Variants in BBX observed in about 807,000 individuals in gnomAD.
The protein encoded by BBX is HMG box transcription factor BBX.
BBX carries 30 observed loss-of-function variants against 100.2 expected under a neutral mutation model. The ratio of observed to expected loss-of-function variants is 0.30; its 90% CI spans 0.22 to 0.41. The LOEUF is 0.41. Among genes scored for constraint, BBX ranks in the 10% least tolerant of loss-of-function variants. The pLI, the probability that BBX is intolerant of heterozygous loss-of-function variation, is 1.00. For missense variants in BBX, 1,023 were observed against 1,129.8 expected (o/e 0.91, Z 1.35); for synonymous variants, 376 against 388.1 (o/e 0.97, Z 0.37).
chr3:107,701,995 C>T (rs574081982), intron 3 of BBX, among the ~76,000 whole-genome samples: 114 of 152,224 alleles, frequency 7.5e-4, no homozygotes, highest in African/African-American at 2.5e-3. Context: ...TTATAATGGG[C>T]ACGGTGGGAT....
intron 13 of BBX, among the ~76,000 whole-genome samples, chr3:107,780,726 C>T (rs766645269): frequency 6.6e-6 from 1 of 151,900 alleles, no homozygotes; most frequent in South Asian, 2.1e-4. Flanking sequence ...GTATTTGTGA[C>T]TGATTGTAAT....
chr3:107,585,132 C>T (rs557272208), intron 2 of BBX, among the ~76,000 whole-genome samples: 5 of 152,176 alleles, frequency 3.3e-5, no homozygotes, highest in African/African-American at 9.6e-5. Context: ...AATGTCCAGT[C>T]AGTAATCCAC....
chr3:107,773,636 G>C lies in BBX; in HGVS notation c.1915G>C (p.Gly639Arg). ...CTCTCTGCGAGCTAATGTTGACAGA[G>C]GTAAGTAACTTCTACAAACCTGAAA... The part of the protein sequence containing the change: ...LTSLRANVDR[G>R]KRSSGKGNSS... The change falls in exon 11 of 18, where the codon GGA (glycine) becomes CGA (arginine). Residue 639 changes from glycine (G) to arginine (R), a missense_variant and splice_region_variant. Physicochemically the swap from Gly to Arg is moderately radical, Grantham distance 125. Around this residue, in one of 9 missense-constraint regions of BBX, gnomAD observed 215 missense variants for 211.3 expected, o/e 1.02. Coordinates refer to ENST00000325805, the MANE Select transcript of BBX (RefSeq NM_001142568.3). This position sits in a 1 kb window ranked among gnomAD's most constrained non-coding sequence, Gnocchi z 4.1. The C allele has an allele frequency of 6.3e-7, 1 of 1,599,430 alleles. No individual in the cohort carries two copies. Among genetic ancestry groups the C allele is most frequent in the Non-Finnish European group, 8.5e-7 (1 of 1,174,674 alleles).
At chr3:107,746,159 G>A (rs1436872665) in intron 8 of BBX, among the ~76,000 whole-genome samples, 2 of 151,814 alleles carry the variant, frequency 1.3e-5, no homozygotes, top group African/African-American at 4.8e-5. Flanking sequence ...GGAATATATT[G>A]TATTTAGGTA....
chr3:107,560,600 T>A (rs1386966028), intron 2 of BBX, among the ~76,000 whole-genome samples: 1 of 152,218 alleles, frequency 6.6e-6, no homozygotes, highest in Admixed American at 6.5e-5. Context: ...TTCTCCTTAT[T>A]CTGAATCCAG....
In BBX at chr3:107,703,343, C is replaced by T. The variant is rs144716647; in HGVS notation, c.-9-7109C>T. ...TTCTCTATGTATATAGCTTTTCCTC[C>T]TCAAGCCACCTCTTTGGATGCCTTG... On this transcript the variant is annotated intron_variant, in intron 3 of 17. Transcript: ENST00000325805. Among the ~76,000 whole-genome samples the T allele has an allele frequency of 2.2e-3, 341 of 152,292 alleles. 3 individuals are homozygous for T. The highest frequency in any genetic ancestry group is 8.0e-3 in the African/African-American group (332 of 41,542).
intron 10 of BBX, among the ~76,000 whole-genome samples, chr3:107,768,107 G>A (rs147557462): frequency 3.5e-4 from 53 of 152,178 alleles, no homozygotes; most frequent in Non-Finnish European, 5.4e-4. Flanking sequence ...TTGCGTCACC[G>A]CCTCCTGTTT....
intron 3 of BBX, among the ~76,000 whole-genome samples, chr3:107,690,805 T>C (rs1362378870): frequency 6.6e-6 from 1 of 151,416 alleles, no homozygotes; most frequent in East Asian, 1.9e-4. Context: ...AACATTCTTG[T>C]ACTGTGCATT....
chr3:107,676,944 A>G (rs1297347018), intron 3 of BBX, among the ~76,000 whole-genome samples: 1 of 152,134 alleles, frequency 6.6e-6, no homozygotes, highest in Non-Finnish European at 1.5e-5. Context: ...ATTATCCTGA[A>G]GCATTCTTGA....
chr3:107,736,155 A>G (rs906828491), intron 7 of BBX, among the ~76,000 whole-genome samples: 1 of 152,066 alleles, frequency 6.6e-6, no homozygotes, highest in Non-Finnish European at 1.5e-5. Flanking sequence ...CTGGCTCAAA[A>G]TAGCAGACTA....
At chr3:107,637,351 A>G (rs957944349) in intron 2 of BBX, among the ~76,000 whole-genome samples, 5 of 152,242 alleles carry the variant, frequency 3.3e-5, no homozygotes, top group African/African-American at 1.2e-4. Flanking sequence ...CCCTGGTTTT[A>G]CCATACTTTT....
At chr3:107,719,044 T>C (rs2062327246) in intron 5 of BBX, among the ~76,000 whole-genome samples, 1 of 152,048 alleles carries the variant, frequency 6.6e-6, no homozygotes, top group African/African-American at 2.4e-5. Flanking sequence ...GTGTTAATAT[T>C]GCAGCCTTAA....
At chr3:107,565,525 C>T (rs2050829356) in intron 2 of BBX, among the ~76,000 whole-genome samples, 1 of 150,988 alleles carries the variant, frequency 6.6e-6, no homozygotes, top group Non-Finnish European at 1.5e-5. Context: ...GGCTGGAGGG[C>T]AGTGGCGCAA....
chr3:107,623,517 A>G (rs1326478957), intron 2 of BBX, among the ~76,000 whole-genome samples: 1 of 152,158 alleles, frequency 6.6e-6, no homozygotes, highest in African/African-American at 2.4e-5. Context: ...GACAAAGTGA[A>G]GTGTGCTTAT....
intron 9 of BBX, among the ~76,000 whole-genome samples, chr3:107,752,144 T>C (rs556418877): frequency 1.3e-3 from 195 of 152,322 alleles, no homozygotes; most frequent in African/African-American, 4.5e-3. Flanking sequence ...CTGGGTGATT[T>C]AGATAGATTT....
intron 2 of BBX, among the ~76,000 whole-genome samples, chr3:107,539,397 T>A (rs761434358): frequency 6.6e-6 from 1 of 152,056 alleles, no homozygotes; most frequent in South Asian, 2.1e-4. Flanking sequence ...GATGGGTGAT[T>A]AGGGAGGGAA....
At chr3:107,663,464 A>C (rs572387190) in intron 3 of BBX, among the ~76,000 whole-genome samples, 1 of 152,160 alleles carries the variant, frequency 6.6e-6, no homozygotes, top group African/African-American at 2.4e-5. Context: ...TTTGTAGCCC[A>C]CAGTGTGCCC....
chr3:107,659,831 G>A, intron 3 of BBX: 1 of 1,022,724 alleles, frequency 9.8e-7, no homozygotes, highest in Non-Finnish European at 1.3e-6. Context: ...TGCTGTTCTA[G>A]AAATGCATCA....
chr3:107,589,866 G>A (rs1491000792), intron 2 of BBX, among the ~76,000 whole-genome samples: 1 of 152,192 alleles, frequency 6.6e-6, no homozygotes, highest in Admixed American at 6.5e-5. Flanking sequence ...GTTTTAAAGT[G>A]TGATTTTCAC....
Sources: gnomAD v4.1 joint callset for allele counts (sites outside exome capture counted in the v4.1 genomes callset) on GRCh38, gnomAD v4.1.1 for gene constraint, gnomAD v4.1.1 regional missense constraint, Gnocchi (gnomAD v3.1) non-coding constraint, MANE v1.5 for transcripts, NCBI Gene and HGNC (gene_info 2026-07-23, HGNC 2026-07-21) for gene names.